SLC26A5: variants seen among roughly 807,000 people sequenced by gnomAD.
SLC26A5 encodes prestin.
SLC26A5 carries 51 observed loss-of-function variants against 81.0 expected under a neutral mutation model. That is an observed-to-expected ratio of 0.63 (90% CI 0.50 to 0.80). The LOEUF (loss-of-function observed/expected upper bound fraction) is 0.80, where lower values mean the gene tolerates loss of function less well. Ranked by LOEUF, SLC26A5 falls within the 30% of genes least tolerant of loss-of-function variation. SLC26A5 has a pLI of 0.00. For missense variants in SLC26A5, 771 were observed against 905.8 expected (o/e 0.85, Z 1.91); for synonymous variants, 325 against 332.8 (o/e 0.98, Z 0.25).
chr7:103,379,149 T>G (rs1038909287), intron 16 of SLC26A5, 94 bp downstream of exon 16: 6 of 845,598 alleles, frequency 7.1e-6, no homozygotes, highest in Non-Finnish European at 1.0e-5. Context: ...AAAGCGAGAA[T>G]GAAATAGTAT....
downstream of SLC26A5, among the ~76,000 whole-genome samples, chr7:103,370,026 GCTAA>G (rs1238642620): frequency 1.3e-5 from 2 of 152,138 alleles, no homozygotes; most frequent in Non-Finnish European, 2.9e-5. Context: ...CTGGTGTGGT[GCTAA>G]CTTTTACCGT....
At position 103,363,246 on chromosome 7, in the gene SLC26A5, T is replaced by C; in HGVS notation, c.2042-10320A>G. On this transcript the variant is annotated intron_variant, in intron 19 of 19. Transcript: ENST00000339444. ...CAATTTTTATTAAAATTCTCACTTG[T>C]GAGTTTTTCTTTTAAGGTATTAGGT... 5 of 911,304 alleles carry C rather than the reference T, an allele frequency of 5.5e-6. No individual in the cohort carries two copies. The South Asian group carries it at 8.1e-5, about 15-fold the overall frequency. 56.5% of individuals were successfully genotyped at this position (911,304 alleles called of 1,614,324 possible).
At chr7:103,364,229 G>C (rs750692030) in intron 19 of SLC26A5, 1 of 1,614,180 alleles carries the variant, frequency 6.2e-7, no homozygotes. Context: ...CACTCTGTGC[G>C]CGGGCAGTTG....
chr7:103,359,170 T>TTTA (rs71110833), intron 19 of SLC26A5, among the ~76,000 whole-genome samples: 9 of 129,946 alleles, frequency 6.9e-5, no homozygotes, highest in East Asian at 6.7e-4. Context: ...TTTTTTTTTT[T>TTTA]AATTTTTAGT....
chr7:103,389,293 T>C, intron 13 of SLC26A5, 36 bp downstream of exon 13: 2 of 1,454,628 alleles, frequency 1.4e-6, no homozygotes, highest in South Asian at 1.1e-5. Context: ...ATCTGCTCTA[T>C]GACATATTAA....
At chr7:103,372,879 T>TAA (rs5886252), downstream of SLC26A5, among the ~76,000 whole-genome samples, 5,227 of 142,502 alleles carry the variant, frequency 0.037, 233 homozygotes, top group African/African-American at 0.11. Context: ...AAGGGAAATC[T>TAA]AAAAAAAAAA....
At chr7:103,425,121 A>G (rs753619172) in intron 2 of SLC26A5, among the ~76,000 whole-genome samples, 2 of 152,218 alleles carry the variant, frequency 1.3e-5, no homozygotes, top group Non-Finnish European at 2.9e-5. Flanking sequence ...ATCTGAGAGT[A>G]TAAACACAAG....
intron 8 of SLC26A5, among the ~76,000 whole-genome samples, chr7:103,400,495 A>C (rs1277666772): frequency 2.6e-5 from 4 of 152,212 alleles, no homozygotes; most frequent in East Asian, 3.9e-4. Flanking sequence ...AGATTGCAAA[A>C]ATTTTCTCCC....
chr7:103,423,816 A>C (rs2116744191), intron 2 of SLC26A5, among the ~76,000 whole-genome samples: 1 of 152,206 alleles, frequency 6.6e-6, no homozygotes, highest in East Asian at 1.9e-4. Flanking sequence ...AGCAGCTCAT[A>C]TGAACTAAGA....
intron 1 of SLC26A5, among the ~76,000 whole-genome samples, chr7:103,444,632 T>C (rs1262606649): frequency 2.6e-5 from 4 of 152,238 alleles, no homozygotes; most frequent in African/African-American, 9.6e-5. Context: ...GTTTCACTCA[T>C]AAATTAATGA....
intron 2 of SLC26A5, among the ~76,000 whole-genome samples, chr7:103,427,053 C>T (rs1308005453): frequency 4.0e-5 from 6 of 151,808 alleles, no homozygotes; most frequent in African/African-American, 1.5e-4. Context: ...TTGAAGGTAA[C>T]TTAGAACATT....
chr7:103,443,532 T>A (rs941402198), intron 1 of SLC26A5, among the ~76,000 whole-genome samples: 2 of 152,158 alleles, frequency 1.3e-5, no homozygotes, highest in South Asian at 4.1e-4. Flanking sequence ...GCATCATCAG[T>A]AGTGGGAGCA....
intron 16 of SLC26A5, 55 bp downstream of exon 16, chr7:103,379,188 T>A: frequency 1.6e-6 from 2 of 1,225,642 alleles, no homozygotes; most frequent in Non-Finnish European, 2.4e-6. Flanking sequence ...GATCCTCATA[T>A]CCCTGTCAAC....
At chr7:103,358,757 T>TG (rs1369164575) in intron 19 of SLC26A5, among the ~76,000 whole-genome samples, 2 of 152,154 alleles carry the variant, frequency 1.3e-5, no homozygotes, top group African/African-American at 4.8e-5. Flanking sequence ...TACATTTTTC[T>TG]AGGCCGTATG....
At chr7:103,394,174 T>C (rs1166774074) in intron 9 of SLC26A5, among the ~76,000 whole-genome samples, 2 of 152,160 alleles carry the variant, frequency 1.3e-5, no homozygotes, top group Non-Finnish European at 2.9e-5. Context: ...CATCGTGAAG[T>C]AAGGAAACAG....
intron 1 of SLC26A5, among the ~76,000 whole-genome samples, chr7:103,444,626 C>A (rs1238223602): frequency 6.6e-6 from 1 of 152,190 alleles, no homozygotes; most frequent in Admixed American, 6.5e-5. Context: ...CTTTTGGTTT[C>A]ACTCATAAAT....
At chr7:103,360,956 A>T (rs974306130) in intron 19 of SLC26A5, among the ~76,000 whole-genome samples, 2 of 151,998 alleles carry the variant, frequency 1.3e-5, no homozygotes, top group African/African-American at 4.8e-5. Context: ...TATTAAAAAT[A>T]CAAAACAATT....
chr7:103,405,642 C>T (rs1051290325), intron 8 of SLC26A5, among the ~76,000 whole-genome samples: 1 of 152,192 alleles, frequency 6.6e-6, no homozygotes, highest in Non-Finnish European at 1.5e-5. Context: ...AGGTGTCTCC[C>T]AGTCAGGAGT....
At chr7:103,415,514 C>T (rs1341438310) in intron 4 of SLC26A5, among the ~76,000 whole-genome samples, 1 of 152,178 alleles carries the variant, frequency 6.6e-6, no homozygotes, top group Non-Finnish European at 1.5e-5. Flanking sequence ...GTATTACTGG[C>T]ATCTAGTGGG....
Sources: gnomAD v4.1 joint callset for allele counts (sites outside exome capture counted in the v4.1 genomes callset) on GRCh38, gnomAD v4.1.1 for gene constraint, MANE v1.5 for transcripts, NCBI Gene and HGNC (gene_info 2026-07-23, HGNC 2026-07-21) for gene names.